ZNF91: variants seen among roughly 807,000 people sequenced by gnomAD.
ZNF91 encodes the protein zinc finger protein 91.
A neutral mutation model predicts 12.6 loss-of-function variants in ZNF91; 7 were observed. The observed-to-expected ratio is 0.55, with a 90% CI of 0.31 to 1.04. The LOEUF is 1.04. Ranked by LOEUF, ZNF91 falls within the 50% of genes least tolerant of loss-of-function variation. The probability of loss-of-function intolerance (pLI) is 0.05; values close to 1 mark genes in which losing one functional copy is unlikely to be tolerated. For synonymous variants in ZNF91, 453 were observed against 462.6 expected, an observed-to-expected ratio of 0.98 and a Z score of 0.27; for missense variants, 1,217 against 1,385.4, an observed-to-expected ratio of 0.88 and a Z score of 1.93.
At chr19:23,394,910 C>T (rs1215743514) in intron 1 of ZNF91, among the ~76,000 whole-genome samples, 2 of 152,112 alleles carry the variant, frequency 1.3e-5, no homozygotes, top group Non-Finnish European at 2.9e-5. Context: ...TTAATCTTTT[C>T]GCGGTGACGC....
intron 3 of ZNF91, among the ~76,000 whole-genome samples, chr19:23,363,838 A>C (rs1272351395): frequency 1.3e-5 from 2 of 152,186 alleles, no homozygotes; most frequent in Non-Finnish European, 2.9e-5. Context: ...GATTTCAAAA[A>C]AGCAGAAATT....
At chr19:23,391,226 T>C (rs920597062) in intron 1 of ZNF91, among the ~76,000 whole-genome samples, 1 of 152,324 alleles carries the variant, frequency 6.6e-6, no homozygotes, top group Non-Finnish European at 1.5e-5. Flanking sequence ...GTGCATTTTC[T>C]CCTCTTCCTC....
intron 1 of ZNF91, among the ~76,000 whole-genome samples, chr19:23,381,864 T>A (rs1260067991): frequency 4.6e-5 from 7 of 152,174 alleles, no homozygotes; most frequent in Non-Finnish European, 1.0e-4. Context: ...TATCTTTTAG[T>A]CTTTATAATT....
rs1436667638 is a variant in ZNF91, at chr19:23,362,363, T to C, written c.616A>G (p.Thr206Ala). 3 of 1,613,546 alleles carry C rather than the reference T, an allele frequency of 1.9e-6. No homozygotes were observed. In the African/African-American group the frequency reaches 4.0e-5, roughly 22 times the overall value. Residue 206 changes from threonine to alanine, a missense_variant, in exon 4 of 4, where the codon ACA becomes GCA. Physicochemically the swap from Thr to Ala is moderately conservative, Grantham distance 58 (BLOSUM62 0). Coordinates refer to ENST00000300619, the MANE Select transcript of ZNF91 (RefSeq NM_003430.4). ...HKTQHKCVYI[T>A]EKSCKCKECE... ...TCTTTACATTTACAGGACTTCTCTG[T>C]AATATAAACGCATTTATGTTGGGTT...
chr19:23,356,423 A>AAAGGAATG (rs555645922), downstream of ZNF91, among the ~76,000 whole-genome samples: 461 of 152,272 alleles, frequency 3.0e-3, 2 homozygotes, highest in Non-Finnish European at 4.9e-3. Flanking sequence ...TCAGTAACAA[A>AAAGGAATG]AAGGAATGAA....
In ZNF91 at chr19:23,362,217, A is replaced by G; in HGVS notation, c.762T>C (p.Thr254=). 1 of 1,613,058 alleles carries G rather than the reference A, an allele frequency of 6.2e-7. No homozygotes were observed. The highest frequency in any genetic ancestry group is 1.1e-5 in the South Asian group (1 of 90,958). The change falls in exon 4 of 4, where the codon ACT becomes ACC. Residue 254 remains threonine, a synonymous_variant. Transcript: ENST00000300619. Reference sequence around the variant, plus strand: ...CTTTAGCACAGATTATTTTATGTGTAGTAAGGGTTGAGAGCTGCTTAAAAG... The same window carrying G: ...CTTTAGCACAGATTATTTTATGTGTGGTAAGGGTTGAGAGCTGCTTAAAAG... ...GKAFKQLSTL[T]THKIICAKEK...
chr19:23,390,883 AT>A (rs1234220827), intron 1 of ZNF91, among the ~76,000 whole-genome samples: 1 of 152,204 alleles, frequency 6.6e-6, no homozygotes, highest in Non-Finnish European at 1.5e-5. Flanking sequence ...TGATCATACC[AT>A]ATTTTCTTTA....
intron 1 of ZNF91, among the ~76,000 whole-genome samples, chr19:23,321,380 C>T (rs1568366931): frequency 6.6e-6 from 1 of 152,130 alleles, no homozygotes; most frequent in Non-Finnish European, 1.5e-5. Flanking sequence ...TGTGACACAT[C>T]ACTCATTCTA....
At chr19:23,322,393 T>G (rs1313316830) in intron 1 of ZNF91, among the ~76,000 whole-genome samples, 2 of 152,174 alleles carry the variant, frequency 1.3e-5, no homozygotes, top group African/African-American at 4.8e-5. Context: ...CTGTTGTGGC[T>G]CTCTACTTTC....
intron 3 of ZNF91, among the ~76,000 whole-genome samples, chr19:23,372,554 G>A (rs777385429): frequency 6.6e-6 from 1 of 152,028 alleles, no homozygotes; most frequent in South Asian, 2.1e-4. Flanking sequence ...CAGGACTACT[G>A]TTTTTGGCTA....
At chr19:23,335,896 C>T (rs529857870), downstream of ZNF91, among the ~76,000 whole-genome samples, 37 of 152,294 alleles carry the variant, frequency 2.4e-4, no homozygotes, top group African/African-American at 4.8e-4. Flanking sequence ...CTGTCTTCTG[C>T]GTCACTCATG....
chr19:23,311,954 A>C (rs1488828926), upstream of ZNF91, among the ~76,000 whole-genome samples: 1 of 151,944 alleles, frequency 6.6e-6, no homozygotes, highest in Non-Finnish European at 1.5e-5. Flanking sequence ...GCAGTAGGTA[A>C]TGTGCCTTTG....
intron 3 of ZNF91, among the ~76,000 whole-genome samples, chr19:23,352,458 T>C (rs528100299): frequency 1.2e-4 from 19 of 152,222 alleles, no homozygotes; most frequent in African/African-American, 4.6e-4. Context: ...CTACCCAACC[T>C]GGTAGTGGTA....
chr19:23,323,735 A>C (rs1401843810), intron 1 of ZNF91, among the ~76,000 whole-genome samples: 2 of 100,376 alleles, frequency 2.0e-5, no homozygotes, highest in African/African-American at 5.0e-5. Flanking sequence ...CCTTCTCCTC[A>C]TTCTCCTCTC....
intron 1 of ZNF91, among the ~76,000 whole-genome samples, chr19:23,321,437 G>C (rs778466697): frequency 1.3e-5 from 2 of 151,652 alleles, no homozygotes; most frequent in Admixed American, 6.6e-5. Flanking sequence ...CCTAAAAAGG[G>C]GATTGTGATA....
rs183270059 is a variant in ZNF91, at chr19:23,317,558, G to C, written n.117-8461C>G. 1.5e-3 allele frequency among the ~76,000 whole-genome samples: 234 copies of C among 152,314 alleles called. 1 individual carries two copies. In the Middle Eastern group the frequency reaches 0.017, roughly 11 times the overall value. On this transcript the variant is annotated intron_variant and non_coding_transcript_variant, in intron 1 of 1. Transcript: ENST00000596528. ...GAGTTTCCTGACAAGGCACAGCACA[G>C]GTGAGATTTTGACTCTTGTATGCAC...
chr19:23,347,767 C>A (rs1438245133), intron 3 of ZNF91, among the ~76,000 whole-genome samples: 1 of 152,162 alleles, frequency 6.6e-6, no homozygotes, highest in African/African-American at 2.4e-5. Context: ...TCAGTATCAC[C>A]CCACAGTTCC....
chr19:23,334,364 GCT>G (rs1967970061), downstream of ZNF91, among the ~76,000 whole-genome samples: 1 of 152,120 alleles, frequency 6.6e-6, no homozygotes, highest in African/African-American at 2.4e-5. Flanking sequence ...AATGTGAGCA[GCT>G]CTGTGTTTCA....
chr19:23,316,129 T>C (rs1967552994), intron 1 of ZNF91, among the ~76,000 whole-genome samples: 1 of 152,030 alleles, frequency 6.6e-6, no homozygotes, highest in Non-Finnish European at 1.5e-5. Context: ...ATAAGAAGAT[T>C]GTGACATATC....
Sources: gnomAD v4.1 joint callset for allele counts (sites outside exome capture counted in the v4.1 genomes callset) on GRCh38, gnomAD v4.1.1 for gene constraint, MANE v1.5 for transcripts, NCBI Gene and HGNC (gene_info 2026-07-23, HGNC 2026-07-21) for gene names.